Variants in BBS9 observed in about 807,000 individuals in gnomAD.
BBS9 encodes the protein Bardet-Biedl syndrome 9.
A neutral mutation model predicts 117.7 loss-of-function variants in BBS9; 89 were observed. The ratio of observed to expected loss-of-function variants is 0.76; its 90% CI spans 0.64 to 0.90. The LOEUF (loss-of-function observed/expected upper bound fraction) is 0.90. Ranked by LOEUF, BBS9 falls within the 40% of genes least tolerant of loss-of-function variation. The pLI is 0.00. For missense variants in BBS9, 982 were observed against 1,042.2 expected (o/e 0.94, Z 0.80); for synonymous variants, 379 against 370.9 (o/e 1.02, Z -0.25).
intron 21 of BBS9, among the ~76,000 whole-genome samples, chr7:33,551,835 G>T (rs577477838): frequency 1.1e-4 from 17 of 152,228 alleles, no homozygotes; most frequent in African/African-American, 4.1e-4. Flanking sequence ...CAGTCATTTG[G>T]TGAAATGAGA....
chr7:33,456,163 T>C (rs1481979891), intron 19 of BBS9, among the ~76,000 whole-genome samples: 1 of 152,160 alleles, frequency 6.6e-6, no homozygotes, highest in East Asian at 1.9e-4. Context: ...CACAGAGGGA[T>C]GGGGACTGAG....
At position 33,321,594 on chromosome 7, in the gene BBS9, G is replaced by A. The variant is rs200651311; in HGVS notation, c.1017-14847G>A. On this transcript the variant is annotated intron_variant, in intron 9 of 22. Transcript: ENST00000242067. ...TTGATTTTGTATCTTGCAAATTTAC[G>A]GAATTTGTTTTTTAGTTTTTTTGGT... 1.1e-4 allele frequency among the ~76,000 whole-genome samples: 17 copies of A among 151,738 alleles called. No individual in the cohort carries two copies. The South Asian group carries it at 3.5e-3, about 32-fold the overall frequency.
At chr7:33,555,199 C>G (rs1380194549) in intron 21 of BBS9, among the ~76,000 whole-genome samples, 4 of 152,180 alleles carry the variant, frequency 2.6e-5, no homozygotes, top group Admixed American at 2.6e-4. Context: ...GACACATATC[C>G]AGACCCATTC....
chr7:33,269,199 T>C (rs1316832502), intron 7 of BBS9, among the ~76,000 whole-genome samples: 8 of 152,260 alleles, frequency 5.3e-5, no homozygotes, highest in South Asian at 2.1e-4. Flanking sequence ...CCTAAGATCA[T>C]GTCTTGATGG....
chr7:33,258,260 C>T (rs1228190775), intron 6 of BBS9, among the ~76,000 whole-genome samples: 1 of 152,132 alleles, frequency 6.6e-6, no homozygotes, highest in Non-Finnish European at 1.5e-5. Context: ...CATGGCTTTT[C>T]AACATTATTT....
rs35333434 is a variant in BBS9, at chr7:33,184,097, CAGAGAGAGAGAG to C, written c.442+6519_442+6530del. 1.7e-4 allele frequency among the ~76,000 whole-genome samples: 26 copies of C among 149,566 alleles called. No homozygotes were observed. The South Asian group carries it at 3.4e-3, about 20-fold the overall frequency. ...ACCACACCTATAAGCAGTTTGCACA[CAGAGAGAGAGAG>C]AGAGAGAGAGAGTGAGAGAAGAAAG... On this transcript the variant is annotated intron_variant, in intron 5 of 22. Coordinates refer to ENST00000242067, the MANE Select transcript of BBS9 (RefSeq NM_198428.3).
At chr7:33,379,114 G>A (rs967825005) in intron 17 of BBS9, among the ~76,000 whole-genome samples, 18 of 152,174 alleles carry the variant, frequency 1.2e-4, no homozygotes, top group African/African-American at 2.7e-4. Flanking sequence ...CACTTCAGAC[G>A]TACTACGTTC....
intron 5 of BBS9, among the ~76,000 whole-genome samples, chr7:33,211,884 A>G (rs964473860): frequency 1.5e-5 from 2 of 134,346 alleles, no homozygotes; most frequent in Non-Finnish European, 1.6e-5. Flanking sequence ...AACACTTTAA[A>G]TATTTTATGC....
chr7:33,372,592 A>T (rs374453051), intron 17 of BBS9, among the ~76,000 whole-genome samples: 6 of 152,310 alleles, frequency 3.9e-5, no homozygotes, highest in African/African-American at 4.8e-5. Context: ...TTTGTTCATC[A>T]GGGATACTGG....
intron 21 of BBS9, among the ~76,000 whole-genome samples, chr7:33,571,397 T>C (rs576794058): frequency 5.9e-5 from 9 of 151,568 alleles, no homozygotes; most frequent in African/African-American, 1.7e-4. Context: ...AAGAAGAAAA[T>C]GGGAGGACAA....
intron 5 of BBS9, among the ~76,000 whole-genome samples, chr7:33,210,149 A>T (rs1419698329): frequency 6.6e-6 from 1 of 152,150 alleles, no homozygotes; most frequent in Non-Finnish European, 1.5e-5. Context: ...CTTCAGTGAC[A>T]CACTGATCAT....
chr7:33,188,540 G>C (rs930371376), intron 5 of BBS9, among the ~76,000 whole-genome samples: 6 of 152,114 alleles, frequency 3.9e-5, no homozygotes, highest in Non-Finnish European at 8.8e-5. Flanking sequence ...CAAATTTAAG[G>C]GTAGGGATAA....
At chr7:33,624,341 A>C (rs1476948217) in intron 21 of BBS9, among the ~76,000 whole-genome samples, 1 of 152,018 alleles carries the variant, frequency 6.6e-6, no homozygotes, top group Non-Finnish European at 1.5e-5. Context: ...TCCACCCTCA[A>C]CCCTTGAATA....
At chr7:33,316,163 A>G (rs1810465193) in intron 9 of BBS9, among the ~76,000 whole-genome samples, 1 of 152,126 alleles carries the variant, frequency 6.6e-6, no homozygotes, top group African/African-American at 2.4e-5. Flanking sequence ...TCTTTTTCAC[A>G]ATAGGTTTAA....
At chr7:33,327,885 G>A (rs1813171091) in intron 9 of BBS9, among the ~76,000 whole-genome samples, 1 of 152,180 alleles carries the variant, frequency 6.6e-6, no homozygotes, top group South Asian at 2.1e-4. Flanking sequence ...TGGATGAGCA[G>A]CTTAAAGAAT....
At chr7:33,512,693 G>T (rs1207952069) in intron 20 of BBS9, among the ~76,000 whole-genome samples, 1 of 152,190 alleles carries the variant, frequency 6.6e-6, no homozygotes, top group African/African-American at 2.4e-5. Context: ...TTCTGTGACA[G>T]TACATTGTTT....
At chr7:33,383,966 GTGGATTT>G (rs1468259128) in intron 18 of BBS9, 128 bp downstream of exon 18, 2 of 974,034 alleles carry the variant, frequency 2.1e-6, no homozygotes, top group African/African-American at 3.3e-5. Flanking sequence ...TATGTGGATG[GTGGATTT>G]CGTGAATCCA....
At chr7:33,298,174 T>A (rs1156766791) in intron 9 of BBS9, among the ~76,000 whole-genome samples, 5 of 152,216 alleles carry the variant, frequency 3.3e-5, no homozygotes, top group African/African-American at 1.2e-4. Context: ...AGGTTCAACA[T>A]TGACACATAG....
At chr7:33,293,406 T>C (rs1204732719) in intron 9 of BBS9, among the ~76,000 whole-genome samples, 1 of 151,908 alleles carries the variant, frequency 6.6e-6, no homozygotes, top group Non-Finnish European at 1.5e-5. Context: ...AAAGGATCTG[T>C]AATTGTTATA....
Sources: gnomAD v4.1 joint callset for allele counts (sites outside exome capture counted in the v4.1 genomes callset) on GRCh38, gnomAD v4.1.1 for gene constraint, MANE v1.5 for transcripts, NCBI Gene and HGNC (gene_info 2026-07-23, HGNC 2026-07-21) for gene names.